RTN4RL1: variants seen among roughly 807,000 people sequenced by gnomAD.
RTN4RL1 encodes reticulon-4 receptor-like 1.
RTN4RL1 carries 7 observed loss-of-function variants against 25.6 expected under a neutral mutation model. The ratio of observed to expected loss-of-function variants is 0.27; its 90% CI spans 0.16 to 0.51. The LOEUF is 0.51. Among genes scored for constraint, RTN4RL1 ranks in the 20% least tolerant of loss-of-function variants. The pLI, the probability that RTN4RL1 is intolerant of heterozygous loss-of-function variation, is 0.97. For synonymous variants in RTN4RL1, 297 were observed against 288.2 expected, an observed-to-expected ratio of 1.03 and a Z score of -0.31; for missense variants, 500 against 615.6, an observed-to-expected ratio of 0.81 and a Z score of 1.99.
chr17:1,944,348 C>A (rs1365161393), intron 1 of RTN4RL1, among the ~76,000 whole-genome samples: 1 of 152,186 alleles, frequency 6.6e-6, no homozygotes, highest in Admixed American at 6.5e-5. Context: ...CCATCTGTCA[C>A]ACGAAAGCCT....
At chr17:1,980,936 A>AAAG (rs1352596749) in intron 1 of RTN4RL1, among the ~76,000 whole-genome samples, 1 of 150,418 alleles carries the variant, frequency 6.6e-6, no homozygotes, top group Non-Finnish European at 1.5e-5. Context: ...CAAAAAAAAA[A>AAAG]AAAAAAAAAA....
At position 1,935,803 on chromosome 17, in the gene RTN4RL1, C is replaced by T; in HGVS notation, c.*693G>A. On this transcript the variant is annotated 3_prime_UTR_variant, in exon 2 of 2. Transcript: ENST00000331238. Reference sequence around the variant, plus strand: ...GGACGTAGTTAGTTATAAAACTGCACCTTCTGTGAGAACCTCATTGCCCGG... The same window carrying T: ...GGACGTAGTTAGTTATAAAACTGCATCTTCTGTGAGAACCTCATTGCCCGG... 1.0e-6 allele frequency: 1 copy of T among 979,884 alleles called. No individual in the cohort carries two copies. The highest frequency in any genetic ancestry group is 1.2e-6 in the Non-Finnish European group (1 of 828,282). 60.7% of individuals were successfully genotyped at this position (979,884 alleles called of 1,614,324 possible).
intron 1 of RTN4RL1, among the ~76,000 whole-genome samples, chr17:1,980,453 T>A (rs942868425): frequency 6.6e-6 from 1 of 152,250 alleles, no homozygotes; most frequent in African/African-American, 2.4e-5. Flanking sequence ...TGGGGCTTTT[T>A]AAAAGCTTCG....
rs1435954605 is a variant in RTN4RL1, at chr17:1,935,711, G to GTGTGTGTATATATATATATATA, written c.*784_*785insTATATATATATATATACACACA. 2 of 157,464 alleles carry GTGTGTGTATATATATATATATA rather than the reference G, an allele frequency of 1.3e-5. No individual in the cohort carries two copies. Among genetic ancestry groups the GTGTGTGTATATATATATATATA allele is most frequent in the Non-Finnish European group, 8.8e-6 (1 of 113,052 alleles). The allele number at this position is 157,464 out of a possible 1,614,324, so 9.8% of individuals were successfully genotyped here. ...AGTGGGAGGGGGACTGTGCATTTGT[G>GTGTGTGTATATATATATATATA]TATATATATATATATATATATATAT... On this transcript the variant is annotated 3_prime_UTR_variant, in exon 2 of 2. Coordinates refer to ENST00000331238, the MANE Select transcript of RTN4RL1 (RefSeq NM_178568.4).
chr17:2,022,129 A>G (rs1328351117), intron 1 of RTN4RL1, among the ~76,000 whole-genome samples: 1 of 151,882 alleles, frequency 6.6e-6, no homozygotes, highest in Non-Finnish European at 1.5e-5. Flanking sequence ...AGCCTGGCCA[A>G]CATGGCAAAA....
At chr17:1,943,584 T>G (rs938153267) in intron 1 of RTN4RL1, among the ~76,000 whole-genome samples, 26 of 152,300 alleles carry the variant, frequency 1.7e-4, no homozygotes, top group African/African-American at 6.3e-4. Context: ...CTCCTCTCTA[T>G]GCCAGTCGAT....
chr17:1,981,956 C>T lies in RTN4RL1; in HGVS notation c.13+42897G>A, dbSNP rs988319328. The stretch of plus-strand genomic sequence containing the variant: ...TCCTAGGCTACAAACCTGCACAGCA[C>T]GTGCCTGTGCTGAACACGGCAGGCA... On this transcript the variant is annotated intron_variant, in intron 1 of 1. Transcript: ENST00000331238. Among the ~76,000 whole-genome samples the T allele has an allele frequency of 5.3e-5, 8 of 152,248 alleles. No homozygotes were observed. The East Asian group carries it at 5.8e-4, about 11-fold the overall frequency.
At chr17:2,002,091 G>A (rs2066961938) in intron 1 of RTN4RL1, among the ~76,000 whole-genome samples, 1 of 151,702 alleles carries the variant, frequency 6.6e-6, no homozygotes, top group Non-Finnish European at 1.5e-5. Flanking sequence ...GGGATGATGA[G>A]GAGAAAGAAA....
At chr17:1,958,983 C>A (rs577937250) in intron 1 of RTN4RL1, among the ~76,000 whole-genome samples, 43 of 152,362 alleles carry the variant, frequency 2.8e-4, no homozygotes, top group Non-Finnish European at 4.9e-4. Context: ...TATGAATCAC[C>A]TCCTGAGAGG....
Position 1,946,831 on chromosome 17 carries a change from C to A in RTN4RL1, c.14-9023G>T, listed in dbSNP as rs146365774. ...TGTGTGAATTGTGTGTGCACGGGGTCTGTGTGCATCTATGTTGAATGTGTG... is the reference window on the plus strand; with the variant it reads ...TGTGTGAATTGTGTGTGCACGGGGTATGTGTGCATCTATGTTGAATGTGTG... On this transcript the variant is annotated intron_variant, in intron 1 of 1. Transcript: ENST00000331238. Among the ~76,000 whole-genome samples the A allele has an allele frequency of 2.1e-5, 3 of 140,338 alleles. No individual in the cohort carries two copies. The South Asian group carries it at 6.8e-4, about 32-fold the overall frequency. 92.1% of individuals were successfully genotyped at this position (140,338 alleles called of 152,430 possible). A position where few individuals can be genotyped will look rare whatever the true frequency, so the allele number is the denominator to read the frequency against.
chr17:1,936,645 T>C lies in RTN4RL1; in HGVS notation c.1177A>G (p.Met393Val). Reference sequence around the variant, plus strand: ...TTCCTCTTGGGCCGGGCCGTAGGCATGATGTCAAAACTGAACTTGTGCTGG... The same window carrying C: ...TTCCTCTTGGGCCGGGCCGTAGGCACGATGTCAAAACTGAACTTGTGCTGG... ...DYQHKFSFDI[M>V]PTARPKRKGK... The change falls in exon 2 of 2, where the codon ATG (methionine) becomes GTG (valine). Residue 393 changes from methionine to valine, a missense_variant. By Grantham distance (21) the Met-to-Val change is conservative. This residue lies in a region of RTN4RL1 where 268 missense variants were observed against 274.5 expected (regional missense o/e 0.98). Coordinates refer to ENST00000331238, the MANE Select transcript of RTN4RL1 (RefSeq NM_178568.4). The C allele has an allele frequency of 6.3e-7, 1 of 1,594,476 alleles. No homozygotes were observed.
At chr17:2,024,702 A>T in intron 1 of RTN4RL1, 151 bp downstream of exon 1, 1 of 657,084 alleles carries the variant, frequency 1.5e-6, no homozygotes. Flanking sequence ...GAGCCCCAGC[A>T]GCAGCCCCTC....
intron 1 of RTN4RL1, among the ~76,000 whole-genome samples, chr17:2,012,620 C>T (rs149538076): frequency 7.8e-4 from 118 of 151,660 alleles, no homozygotes; most frequent in African/African-American, 2.7e-3. Flanking sequence ...CCCTAGATCA[C>T]GATTTAATTT....
At chr17:1,993,210 C>T (rs1470105553) in intron 1 of RTN4RL1, among the ~76,000 whole-genome samples, 6 of 151,812 alleles carry the variant, frequency 4.0e-5, no homozygotes, top group Non-Finnish European at 7.4e-5. Flanking sequence ...ATCGCGCCAC[C>T]GCACTCCAGC....
chr17:2,024,088 G>A (rs1355179605), intron 1 of RTN4RL1, among the ~76,000 whole-genome samples: 1 of 152,154 alleles, frequency 6.6e-6, no homozygotes, highest in Non-Finnish European at 1.5e-5. Context: ...CCACGTGGGG[G>A]CGCGGCGGGA....
chr17:2,024,965 G>T lies in RTN4RL1; in HGVS notation c.-100C>A. ...CGCCAGCTGCAGCTAATCCGAGCGC[G>T]TCGAGGCGGGGGCAAGCCGGGGATC... On this transcript the variant is annotated 5_prime_UTR_variant, in exon 1 of 2. Transcript: ENST00000331238. The T allele has an allele frequency of 7.6e-7, 1 of 1,317,000 alleles. No homozygotes were observed. The allele number at this position is 1,317,000 out of a possible 1,614,324, so 81.6% of individuals were successfully genotyped here. A position where few individuals can be genotyped will look rare whatever the true frequency, so the allele number is the denominator to read the frequency against.
At chr17:2,023,119 T>C (rs1308962350) in intron 1 of RTN4RL1, among the ~76,000 whole-genome samples, 1 of 152,184 alleles carries the variant, frequency 6.6e-6, no homozygotes, top group Admixed American at 6.5e-5. Context: ...GAGATGTCAG[T>C]TCCTCTCCAT....
Position 1,935,709 on chromosome 17 carries a change from G to GTGTA in RTN4RL1, c.*783_*786dup, listed in dbSNP as rs1169123015. On this transcript the variant is annotated 3_prime_UTR_variant, in exon 2 of 2. Coordinates refer to ENST00000331238, the MANE Select transcript of RTN4RL1 (RefSeq NM_178568.4). ...GGAGTGGGAGGGGGACTGTGCATTT[G>GTGTA]TGTATATATATATATATATATATAT... 8 of 199,208 alleles carry GTGTA rather than the reference G, an allele frequency of 4.0e-5. No individual in the cohort carries two copies. Among genetic ancestry groups the GTGTA allele is most frequent in the Non-Finnish European group, 4.9e-5 (7 of 143,676 alleles). 12.3% of individuals were successfully genotyped at this position (199,208 alleles called of 1,614,324 possible). A position where few individuals can be genotyped will look rare whatever the true frequency, so the allele number is the denominator to read the frequency against.
chr17:1,968,555 C>A (rs996428721), intron 1 of RTN4RL1, among the ~76,000 whole-genome samples: 1 of 152,182 alleles, frequency 6.6e-6, no homozygotes, highest in African/African-American at 2.4e-5. Flanking sequence ...GCCCTGGGCT[C>A]GAAGCCAACA....
Sources: allele counts gnomAD v4.1 joint callset (sites outside exome capture counted in the v4.1 genomes callset), GRCh38; gene constraint gnomAD v4.1.1; regional missense constraint gnomAD v4.1.1; transcripts MANE v1.5; gene names NCBI Gene and HGNC (gene_info 2026-07-23, HGNC 2026-07-21).